GRIN2B: variants seen among roughly 807,000 people sequenced by gnomAD.
The protein encoded by GRIN2B is glutamate receptor ionotropic, NMDA 2B.
In GRIN2B, 5 loss-of-function variants were observed where a neutral mutation model predicts 114.5. The observed-to-expected ratio is 0.04, with a 90% CI of 0.02 to 0.09. The LOEUF is 0.09. GRIN2B is among the 10% of genes least tolerant of loss of function. GRIN2B has a pLI of 1.00. For missense variants in GRIN2B, 1,108 were observed against 1,943.5 expected, an observed-to-expected ratio of 0.57 and a Z score of 8.08; for synonymous variants, 787 against 745.1, an observed-to-expected ratio of 1.06 and a Z score of -0.92.
At chr12:13,911,402 C>T (rs1182290302) in intron 2 of GRIN2B, among the ~76,000 whole-genome samples, 1 of 152,090 alleles carries the variant, frequency 6.6e-6, no homozygotes, top group East Asian at 1.9e-4. Flanking sequence ...AAGAAGGCCT[C>T]GTCAACGAAA....
chr12:13,917,959 T>C (rs1322473356), intron 2 of GRIN2B, among the ~76,000 whole-genome samples: 1 of 152,094 alleles, frequency 6.6e-6, no homozygotes, highest in African/African-American at 2.4e-5. Context: ...TTTGGACATA[T>C]TGGGTGGATT....
At chr12:13,790,665 T>G (rs1013878745) in intron 3 of GRIN2B, among the ~76,000 whole-genome samples, 1 of 152,172 alleles carries the variant, frequency 6.6e-6, no homozygotes, top group Non-Finnish European at 1.5e-5. Flanking sequence ...TTTCTTTCAG[T>G]TGGTTTGAAG....
intron 2 of GRIN2B, among the ~76,000 whole-genome samples, chr12:13,975,819 C>T (rs1233907942): frequency 6.6e-6 from 1 of 152,176 alleles, no homozygotes; most frequent in Non-Finnish European, 1.5e-5. Flanking sequence ...GAAGCATGAG[C>T]ACATGCTGGT....
intron 3 of GRIN2B, among the ~76,000 whole-genome samples, chr12:13,792,503 A>T (rs191433293): frequency 5.4e-4 from 83 of 152,332 alleles, no homozygotes; most frequent in African/African-American, 1.9e-3. Flanking sequence ...ATATTGTGAC[A>T]TGACCATCCA....
chr12:13,824,855 C>CAA (rs34417194), intron 3 of GRIN2B, among the ~76,000 whole-genome samples: 25,293 of 94,954 alleles, frequency 0.27, 3,118 homozygotes, highest in South Asian at 0.32. Context: ...GACTCCATTT[C>CAA]AAAAAAAAAA....
At chr12:13,630,677 T>A (rs192315357) in intron 5 of GRIN2B, among the ~76,000 whole-genome samples, 1 of 152,124 alleles carries the variant, frequency 6.6e-6, no homozygotes, top group African/African-American at 2.4e-5. Context: ...GGTAGACTCA[T>A]CAGATAAGTG....
At chr12:13,932,952 CGTGTGTGT>C (rs5796568) in intron 2 of GRIN2B, among the ~76,000 whole-genome samples, 1,942 of 148,772 alleles carry the variant, frequency 0.013, 23 homozygotes, top group African/African-American at 0.024. Context: ...AGGGCTTTGT[CGTGTGTGT>C]GTGTGTGTGT....
intron 5 of GRIN2B, among the ~76,000 whole-genome samples, chr12:13,648,538 A>C (rs149882973): frequency 6.6e-6 from 1 of 152,122 alleles, no homozygotes; most frequent in African/African-American, 2.4e-5. Flanking sequence ...TGCTATAAGA[A>C]GTCCTAGGAT....
chr12:13,551,723 T>C lies in GRIN2B; in HGVS notation c.*11060A>G, dbSNP rs1948415946. Reference sequence around the variant, plus strand: ...GGCAAAGAGATCAAATTCTGTGTAGTTGTGCTGTTCAGGTGAATATCTGAG... The same window carrying C: ...GGCAAAGAGATCAAATTCTGTGTAGCTGTGCTGTTCAGGTGAATATCTGAG... On this transcript the variant is annotated 3_prime_UTR_variant, in exon 14 of 14. Transcript: ENST00000609686. 6.6e-6 allele frequency: 1 copy of C among 152,188 alleles called. No homozygotes were observed. The highest frequency in any genetic ancestry group is 2.4e-5 in the African/African-American group (1 of 41,452). The allele number at this position is 152,188 out of a possible 1,614,324, so 9.4% of individuals were successfully genotyped here. A position where few individuals can be genotyped will look rare whatever the true frequency, so the allele number is the denominator to read the frequency against.
chr12:13,701,828 C>G (rs545992101), intron 4 of GRIN2B, among the ~76,000 whole-genome samples: 18 of 152,316 alleles, frequency 1.2e-4, no homozygotes, highest in Middle Eastern at 3.4e-3. Flanking sequence ...TGAACACAGC[C>G]TTACTTCAGT....
intron 3 of GRIN2B, among the ~76,000 whole-genome samples, chr12:13,859,558 A>G (rs1366021718): frequency 1.3e-5 from 2 of 152,182 alleles, no homozygotes; most frequent in Admixed American, 1.3e-4. Flanking sequence ...TAGTTCAAGT[A>G]GGGAAAATTG....
chr12:13,793,643 G>GT (rs1864357511), intron 3 of GRIN2B, among the ~76,000 whole-genome samples: 1 of 152,052 alleles, frequency 6.6e-6, no homozygotes, highest in Non-Finnish European at 1.5e-5. Flanking sequence ...GTTCCCAAGG[G>GT]GCTCTAGTAA....
chr12:13,864,991 C>T (rs1037533495), intron 3 of GRIN2B, among the ~76,000 whole-genome samples: 4 of 152,166 alleles, frequency 2.6e-5, no homozygotes, highest in East Asian at 1.9e-4. Context: ...ACAGGTTCCA[C>T]GGATTAAAAT....
At chr12:13,818,795 G>A (rs933367713) in intron 3 of GRIN2B, among the ~76,000 whole-genome samples, 1 of 152,206 alleles carries the variant, frequency 6.6e-6, no homozygotes, top group South Asian at 2.1e-4. Flanking sequence ...GCCTTCATGA[G>A]TGTTTCACAC....
At chr12:13,657,377 T>G (rs967074092) in intron 5 of GRIN2B, among the ~76,000 whole-genome samples, 1 of 152,150 alleles carries the variant, frequency 6.6e-6, no homozygotes, top group Non-Finnish European at 1.5e-5. Flanking sequence ...TTATTAAGCA[T>G]GTTTAAAAAG....
chr12:13,738,967 A>G (rs1863230280), intron 4 of GRIN2B, among the ~76,000 whole-genome samples: 1 of 152,206 alleles, frequency 6.6e-6, no homozygotes, highest in African/African-American at 2.4e-5. Context: ...AAGGAACTCA[A>G]AACACAGAAA....
chr12:13,815,424 A>G (rs957349709), intron 3 of GRIN2B, among the ~76,000 whole-genome samples: 3 of 152,186 alleles, frequency 2.0e-5, no homozygotes, highest in African/African-American at 7.2e-5. Context: ...ACAACAAAAC[A>G]ATCACAGAGT....
intron 2 of GRIN2B, among the ~76,000 whole-genome samples, chr12:13,913,857 C>T (rs750078249): frequency 1.1e-4 from 16 of 152,288 alleles, no homozygotes; most frequent in Non-Finnish European, 1.9e-4. Flanking sequence ...ACCTCAGTTT[C>T]CTCATCTATA....
In GRIN2B at chr12:13,912,575, C is replaced by A. The variant is rs1029629324; in HGVS notation, c.-18-46349G>T. Among the ~76,000 whole-genome samples the A allele has an allele frequency of 3.9e-5, 6 of 152,082 alleles. No homozygotes were observed. In the East Asian group the frequency reaches 1.2e-3, roughly 29 times the overall value. On this transcript the variant is annotated intron_variant, in intron 2 of 13. Coordinates refer to ENST00000609686, the MANE Select transcript of GRIN2B (RefSeq NM_000834.5). ...GCTCCGTACTTGTGGGCACAGGGTG[C>A]GGATGTAGCCTTGCTCTGTCTGAAC...
Sources: gnomAD v4.1 joint callset for allele counts (sites outside exome capture counted in the v4.1 genomes callset) on GRCh38, gnomAD v4.1.1 for gene constraint, MANE v1.5 for transcripts, NCBI Gene and HGNC (gene_info 2026-07-23, HGNC 2026-07-21) for gene names.